The following EPSTI1 variants were observed in gnomAD, a reference collection of about 807,000 sequenced individuals.
EPSTI1 encodes epithelial stromal interaction 1.
In EPSTI1, 66 loss-of-function variants were observed where a neutral mutation model predicts 49.9. The ratio of observed to expected loss-of-function variants is 1.32; its 90% CI spans 1.08 to 1.62. The LOEUF is 1.62. Among genes scored for constraint, EPSTI1 ranks in the 40% most tolerant of loss-of-function variants. EPSTI1 has a pLI of 0.00. For missense variants in EPSTI1, 394 were observed against 365.5 expected (o/e 1.08, Z -0.64); for synonymous variants, 137 against 130.7 (o/e 1.05, Z -0.33).
chr13:42,968,868 G>A (rs1367793265), intron 3 of EPSTI1, among the ~76,000 whole-genome samples: 2 of 142,646 alleles, frequency 1.4e-5, no homozygotes, highest in Non-Finnish European at 3.0e-5. Flanking sequence ...TGTTCCCATA[G>A]AACTCTGGCA....
chr13:42,897,454 T>G (rs995046474), intron 9 of EPSTI1, among the ~76,000 whole-genome samples: 4 of 152,190 alleles, frequency 2.6e-5, no homozygotes, highest in African/African-American at 9.6e-5. Flanking sequence ...TTTGCCCTAT[T>G]CCCGGAGCCT....
intron 8 of EPSTI1, among the ~76,000 whole-genome samples, chr13:42,900,854 C>T (rs2037333681): frequency 6.6e-6 from 1 of 152,096 alleles, no homozygotes; most frequent in Non-Finnish European, 1.5e-5. Context: ...AAACATTCTC[C>T]ATCCTGGAGA....
rs1407303375 is a variant in EPSTI1, at chr13:42,954,041, A to T, written c.490-20T>A. 1 of 1,594,466 alleles carries T rather than the reference A, an allele frequency of 6.3e-7. No individual in the cohort carries two copies. The highest frequency in any genetic ancestry group is 1.7e-5 in the Admixed American group (1 of 58,822). Reference sequence around the variant, plus strand: ...ATTGCTCTGAAATTGCAAATATCAAAACATAACTTATTAAAGATGCTTTAA... The same window carrying T: ...ATTGCTCTGAAATTGCAAATATCAATACATAACTTATTAAAGATGCTTTAA... On this transcript the variant is annotated intron_variant, in intron 5 of 10. Coordinates refer to ENST00000313624, the MANE Select transcript of EPSTI1 (RefSeq NM_033255.5).
intron 6 of EPSTI1, among the ~76,000 whole-genome samples, chr13:42,927,160 T>A (rs1452178379): frequency 6.6e-6 from 1 of 152,154 alleles, no homozygotes; most frequent in African/African-American, 2.4e-5. Context: ...GACCTAGAAA[T>A]GTCCTCAGTT....
At chr13:42,941,575 ATGCCACTG>A (rs2038749988) in intron 6 of EPSTI1, among the ~76,000 whole-genome samples, 1 of 151,198 alleles carries the variant, frequency 6.6e-6, no homozygotes, top group South Asian at 2.1e-4. Context: ...AACCATGGTC[ATGCCACTG>A]TACTCTAGCC....
rs1594660864 is a variant in EPSTI1 at position 42,926,483 on chromosome 13, C to A, written c.564-54G>T. Reference sequence around the variant, plus strand: ...CCTTCACAAAAATATGAACATAATTCTTTATTTTTCCTTTGGATACTAACC... The same window carrying A: ...CCTTCACAAAAATATGAACATAATTATTTATTTTTCCTTTGGATACTAACC... On this transcript the variant is annotated intron_variant, in intron 6 of 10. Transcript: ENST00000313624. 6.1e-6 allele frequency: 6 copies of A among 987,120 alleles called. No individual in the cohort carries two copies. In the South Asian group the frequency reaches 7.6e-5, roughly 13 times the overall value. 61.1% of individuals were successfully genotyped at this position (987,120 alleles called of 1,614,324 possible).
At chr13:42,939,913 A>G (rs574274924) in intron 6 of EPSTI1, among the ~76,000 whole-genome samples, 10 of 152,350 alleles carry the variant, frequency 6.6e-5, no homozygotes, top group Non-Finnish European at 1.5e-4. Flanking sequence ...CACTGACATC[A>G]CTTAAGCTGA....
intron 8 of EPSTI1, among the ~76,000 whole-genome samples, chr13:42,905,556 G>A (rs751731147): frequency 1.2e-4 from 18 of 152,184 alleles, no homozygotes; most frequent in Non-Finnish European, 2.1e-4. Flanking sequence ...AGTTGTTCTT[G>A]TTTCAAGGAC....
intron 1 of EPSTI1, among the ~76,000 whole-genome samples, chr13:42,989,627 T>C (rs1490767223): frequency 7.4e-6 from 1 of 135,006 alleles, no homozygotes; most frequent in Non-Finnish European, 1.6e-5. Flanking sequence ...AGAGTCTCAC[T>C]CTGTCGCCCA....
Position 42,922,880 on chromosome 13 carries a change from C to T in EPSTI1, c.657+3456G>A, listed in dbSNP as rs926761032. 6.6e-6 allele frequency among the ~76,000 whole-genome samples: 1 copy of T among 152,216 alleles called. No individual in the cohort carries two copies. Among genetic ancestry groups the T allele is most frequent in the Non-Finnish European group, 1.5e-5 (1 of 68,042 alleles). ...AACGTGCACACACATCTTCCATGGACTGTATTAAATACAAGCTCTGATTCA... is the reference window on the plus strand; with the variant it reads ...AACGTGCACACACATCTTCCATGGATTGTATTAAATACAAGCTCTGATTCA... On this transcript the variant is annotated intron_variant, in intron 7 of 10. Coordinates refer to ENST00000313624, the MANE Select transcript of EPSTI1 (RefSeq NM_033255.5). This position sits in a 1 kb window ranked among gnomAD's most constrained non-coding sequence, Gnocchi z 4.8.
intron 8 of EPSTI1, among the ~76,000 whole-genome samples, chr13:42,905,402 A>G (rs1535898): frequency 0.29 from 44,045 of 152,150 alleles, 7,372 homozygotes; most frequent in Non-Finnish European, 0.39. Flanking sequence ...CCGTACTAAG[A>G]AGGATAATTT....
intron 6 of EPSTI1, among the ~76,000 whole-genome samples, chr13:42,948,243 G>A (rs966592319): frequency 6.6e-6 from 1 of 152,206 alleles, no homozygotes; most frequent in South Asian, 2.1e-4. Flanking sequence ...GTGGAGAGAG[G>A]GGCCCTCCTC....
At chr13:42,973,364 C>T (rs1242212093) in intron 1 of EPSTI1, among the ~76,000 whole-genome samples, 2 of 152,150 alleles carry the variant, frequency 1.3e-5, no homozygotes, top group African/African-American at 4.8e-5. Flanking sequence ...AGCATAAACC[C>T]AGGCAGTGGT....
intron 6 of EPSTI1, among the ~76,000 whole-genome samples, chr13:42,928,736 TCTC>T (rs1361451403): frequency 7.9e-5 from 12 of 152,224 alleles, no homozygotes; most frequent in African/African-American, 2.9e-4. Context: ...AAATTTACAT[TCTC>T]CTCTTCTGGC....
At chr13:42,925,421 A>T (rs6561096) in intron 7 of EPSTI1, among the ~76,000 whole-genome samples, 101,472 of 151,904 alleles carry the variant, frequency 0.67, 34,137 homozygotes, top group Non-Finnish European at 0.71. Flanking sequence ...GGGCATTTCT[A>T]CATGTCTCAT....
chr13:42,986,499 C>T (rs2040081134), intron 1 of EPSTI1, among the ~76,000 whole-genome samples: 1 of 152,094 alleles, frequency 6.6e-6, no homozygotes, highest in African/African-American at 2.4e-5. Context: ...AATCCCAGTA[C>T]TTTGAGAGGT....
intron 6 of EPSTI1, 41 bp downstream of exon 6, chr13:42,953,907 T>A (rs1255239763): frequency 1.3e-6 from 2 of 1,511,704 alleles, no homozygotes; most frequent in African/African-American, 2.8e-5. Flanking sequence ...CTATGAACAA[T>A]CTGCCTATAA....
intron 8 of EPSTI1, among the ~76,000 whole-genome samples, chr13:42,902,385 T>C (rs2037386766): frequency 6.6e-6 from 1 of 152,210 alleles, no homozygotes; most frequent in African/African-American, 2.4e-5. Flanking sequence ...TTCTCTGTCT[T>C]ACTGCTTCTT....
chr13:42,921,013 T>C (rs1435600661), intron 7 of EPSTI1, among the ~76,000 whole-genome samples: 1 of 152,010 alleles, frequency 6.6e-6, no homozygotes, highest in Admixed American at 6.6e-5. Flanking sequence ...CACAGATAAC[T>C]TACAGGAGAA....
Sources: gnomAD v4.1 joint callset for allele counts (sites outside exome capture counted in the v4.1 genomes callset) on GRCh38, gnomAD v4.1.1 for gene constraint, Gnocchi (gnomAD v3.1) non-coding constraint, MANE v1.5 for transcripts, NCBI Gene and HGNC (gene_info 2026-07-23, HGNC 2026-07-21) for gene names.